Variants in CTIF observed in about 807,000 individuals in gnomAD.
CTIF encodes CBP80/20-dependent translation initiation factor.
CTIF carries 21 observed loss-of-function variants against 66.0 expected under a neutral mutation model. The ratio of observed to expected loss-of-function variants is 0.32; its 90% CI spans 0.23 to 0.46. The LOEUF (loss-of-function observed/expected upper bound fraction) is 0.46, where lower values mean the gene tolerates loss of function less well. Among genes scored for constraint, CTIF ranks in the 20% least tolerant of loss-of-function variants. CTIF has a pLI of 1.00. For missense variants in CTIF, 739 were observed against 812.7 expected (o/e 0.91, Z 1.10); for synonymous variants, 345 against 326.4 (o/e 1.06, Z -0.62).
chr18:48,619,877 AC>A (rs1299417471), intron 2 of CTIF, 132 bp downstream of exon 2: 3 of 906,430 alleles, frequency 3.3e-6, no homozygotes, highest in Non-Finnish European at 4.6e-6. Flanking sequence ...CCAGCAGAGC[AC>A]CCAGAATCTG....
chr18:48,620,361 G>A (rs2090472046), intron 2 of CTIF, among the ~76,000 whole-genome samples: 1 of 152,180 alleles, frequency 6.6e-6, no homozygotes, highest in African/African-American at 2.4e-5. Context: ...AAGATTGTGA[G>A]CTGAGATTTG....
At chr18:48,771,518 C>T (rs1188607730) in intron 9 of CTIF, among the ~76,000 whole-genome samples, 2 of 152,226 alleles carry the variant, frequency 1.3e-5, no homozygotes, top group Non-Finnish European at 2.9e-5. Context: ...ACCCGTGTCC[C>T]TTGCCAGACC....
chr18:48,622,637 T>C (rs1211902777), intron 2 of CTIF, among the ~76,000 whole-genome samples: 1 of 152,154 alleles, frequency 6.6e-6, no homozygotes, highest in African/African-American at 2.4e-5. Context: ...ACTATGCTTA[T>C]TGCACAGCTA....
intron 10 of CTIF, among the ~76,000 whole-genome samples, chr18:48,853,576 G>C (rs575555755): frequency 6.6e-6 from 1 of 152,278 alleles, no homozygotes; most frequent in African/African-American, 2.4e-5. Flanking sequence ...ATCCCAAAAC[G>C]ATTTCTTTTC....
At chr18:48,720,380 G>A (rs560842276) in intron 7 of CTIF, among the ~76,000 whole-genome samples, 4 of 152,170 alleles carry the variant, frequency 2.6e-5, no homozygotes, top group South Asian at 4.1e-4. Flanking sequence ...TGAGGCCCTC[G>A]CAGACAGCTC....
chr18:48,733,731 G>A (rs1049391593), intron 7 of CTIF, among the ~76,000 whole-genome samples: 2 of 152,198 alleles, frequency 1.3e-5, no homozygotes, highest in African/African-American at 4.8e-5. Context: ...GAAGTCAGCT[G>A]GCCAAGAGGT....
chr18:48,843,510 C>T (rs544035087), intron 10 of CTIF, among the ~76,000 whole-genome samples: 3 of 152,264 alleles, frequency 2.0e-5, no homozygotes, highest in Middle Eastern at 6.8e-3. Context: ...TCCTCCCCAC[C>T]CCAGCTACCC....
chr18:48,815,529 T>C (rs2068344667), intron 9 of CTIF, among the ~76,000 whole-genome samples: 1 of 152,240 alleles, frequency 6.6e-6, no homozygotes, highest in Non-Finnish European at 1.5e-5. Flanking sequence ...ATCAAAATAG[T>C]TATAGATACA....
intron 1 of CTIF, among the ~76,000 whole-genome samples, chr18:48,595,497 G>A (rs1240825725): frequency 1.3e-5 from 2 of 152,100 alleles, no homozygotes; most frequent in African/African-American, 4.8e-5. Context: ...TGTGATCACA[G>A]CTCACTGCAG....
At chr18:48,663,729 C>T (rs779515229) in intron 3 of CTIF, 23 bp from the exon 4 acceptor site, 11 of 1,610,810 alleles carry the variant, frequency 6.8e-6, no homozygotes, top group East Asian at 2.2e-5. Flanking sequence ...TAATGTCAGC[C>T]CTTTCACCCC....
intron 10 of CTIF, among the ~76,000 whole-genome samples, chr18:48,822,702 G>A (rs540279399): frequency 6.6e-6 from 1 of 152,258 alleles, no homozygotes; most frequent in African/African-American, 2.4e-5. Context: ...GGATCATATG[G>A]CAGCTCTATT....
At chr18:48,843,000 G>A (rs1037604974) in intron 10 of CTIF, among the ~76,000 whole-genome samples, 4 of 152,264 alleles carry the variant, frequency 2.6e-5, no homozygotes, top group Non-Finnish European at 5.9e-5. Context: ...CTACCCTTCT[G>A]CTTGCCCGGG....
intron 1 of CTIF, among the ~76,000 whole-genome samples, chr18:48,572,652 T>C (rs748982839): frequency 1.3e-5 from 2 of 152,068 alleles, no homozygotes; most frequent in Admixed American, 6.6e-5. Context: ...AGAAATTTGA[T>C]CTGGCCCCGG....
At chr18:48,774,532 C>T (rs1295844389) in intron 9 of CTIF, among the ~76,000 whole-genome samples, 1 of 152,158 alleles carries the variant, frequency 6.6e-6, no homozygotes, top group Non-Finnish European at 1.5e-5. Flanking sequence ...TCTGCTGGCC[C>T]TTCCAGGACA....
chr18:48,644,352 G>T (rs1445464487), intron 3 of CTIF, among the ~76,000 whole-genome samples: 1 of 152,206 alleles, frequency 6.6e-6, no homozygotes, highest in East Asian at 1.9e-4. Context: ...TGCTGAAGCT[G>T]CAGTGAGAAG....
At chr18:48,728,733 G>GGAGAGAGAGA (rs1248907435) in intron 7 of CTIF, among the ~76,000 whole-genome samples, 4 of 134,208 alleles carry the variant, frequency 3.0e-5, no homozygotes, top group African/African-American at 1.1e-4. Context: ...GGAGGGAGGG[G>GGAGAGAGAGA]GAGAGTGAGA....
chr18:48,633,723 A>C (rs113962805), intron 2 of CTIF, among the ~76,000 whole-genome samples: 2,061 of 151,812 alleles, frequency 0.014, 34 homozygotes, highest in African/African-American at 0.045. Flanking sequence ...AAATAAATAA[A>C]TAAATAAATA....
chr18:48,769,165 G>A (rs912798835), intron 9 of CTIF, among the ~76,000 whole-genome samples: 6 of 152,084 alleles, frequency 3.9e-5, no homozygotes, highest in South Asian at 2.1e-4. Context: ...CACACCCACC[G>A]CTGAGCCGAT....
At chr18:48,619,979 T>A (rs2090464512) in intron 2 of CTIF, among the ~76,000 whole-genome samples, 1 of 152,330 alleles carries the variant, frequency 6.6e-6, no homozygotes, top group Admixed American at 6.5e-5. Context: ...CCAATGAGGC[T>A]TTGAGGCCCA....
Sources: allele counts gnomAD v4.1 joint callset (sites outside exome capture counted in the v4.1 genomes callset), GRCh38; gene constraint gnomAD v4.1.1; transcripts MANE v1.5; gene names NCBI Gene and HGNC (gene_info 2026-07-23, HGNC 2026-07-21).